FOXJ3: variants seen among roughly 807,000 people sequenced by gnomAD.
FOXJ3 encodes the protein forkhead box J3.
FOXJ3 carries 22 observed loss-of-function variants against 76.1 expected under a neutral mutation model. The observed-to-expected ratio is 0.29, with a 90% confidence interval of 0.21 to 0.41. The LOEUF is 0.41. Among genes scored for constraint, FOXJ3 ranks in the 10% least tolerant of loss-of-function variants. The pLI is 1.00. For missense variants in FOXJ3, 613 were observed against 762.1 expected (o/e 0.80, Z 2.30); for synonymous variants, 269 against 261.2 (o/e 1.03, Z -0.29).
At chr1:42,298,678 T>C (rs1653944264) in intron 2 of FOXJ3, among the ~76,000 whole-genome samples, 1 of 152,174 alleles carries the variant, frequency 6.6e-6, no homozygotes, top group Non-Finnish European at 1.5e-5. Context: ...TGATCTTTGC[T>C]CTTTTCTTCT....
At chr1:42,294,433 A>G (rs1001902890) in intron 2 of FOXJ3, among the ~76,000 whole-genome samples, 2 of 152,172 alleles carry the variant, frequency 1.3e-5, no homozygotes, top group Admixed American at 1.3e-4. Context: ...TTAGAAGTGA[A>G]ACAGTTTGGG....
At chr1:42,251,276 G>A (rs1650026590) in intron 4 of FOXJ3, among the ~76,000 whole-genome samples, 1 of 152,070 alleles carries the variant, frequency 6.6e-6, no homozygotes, top group South Asian at 2.1e-4. Context: ...AAATAATGGA[G>A]GCCAATGGAA....
At chr1:42,295,848 ATTTAT>A (rs1053182953) in intron 2 of FOXJ3, among the ~76,000 whole-genome samples, 1 of 151,992 alleles carries the variant, frequency 6.6e-6, no homozygotes, top group African/African-American at 2.4e-5. Context: ...GTATATAGTG[ATTTAT>A]TTTATTTTGG....
rs542481846 is a variant in FOXJ3, at chr1:42,193,399, CTT to C, written c.934+1489_934+1490del. Reference sequence around the variant, plus strand: ...GAACCCAGACTTCCTATCGATGTTCCTTTTTTTTTTTTTTTTAATAGTGTGAT... The same window carrying C: ...GAACCCAGACTTCCTATCGATGTTCCTTTTTTTTTTTTTTAATAGTGTGAT... On this transcript the variant is annotated intron_variant, in intron 8 of 12. Coordinates refer to ENST00000361346, the MANE Select transcript of FOXJ3 (RefSeq NM_014947.5). 1.4e-4 allele frequency among the ~76,000 whole-genome samples: 19 copies of C among 132,144 alleles called. 1 individual carries two copies. Among genetic ancestry groups the C allele is most frequent in the East Asian group, 6.5e-4 (3 of 4,632 alleles). The allele number at this position is 132,144 out of a possible 152,430, so 86.7% of individuals were successfully genotyped here. A position where few individuals can be genotyped will look rare whatever the true frequency, so the allele number is the denominator to read the frequency against.
intron 2 of FOXJ3, among the ~76,000 whole-genome samples, chr1:42,289,572 T>A (rs936554102): frequency 1.3e-5 from 2 of 152,148 alleles, no homozygotes; most frequent in African/African-American, 4.8e-5. Context: ...TTCAGTTCTA[T>A]GCTGTGGATT....
At chr1:42,315,696 C>A (rs1655066760) in intron 1 of FOXJ3, among the ~76,000 whole-genome samples, 1 of 152,194 alleles carries the variant, frequency 6.6e-6, no homozygotes, top group African/African-American at 2.4e-5. Context: ...GGAAATCTCA[C>A]AAAAGAAGGC....
intron 2 of FOXJ3, among the ~76,000 whole-genome samples, chr1:42,304,441 C>A (rs1429617863): frequency 6.6e-6 from 1 of 151,744 alleles, no homozygotes; most frequent in African/African-American, 2.4e-5. Context: ...CTCAGAATAC[C>A]CAAAGCTATC....
At chr1:42,217,708 G>A (rs149851868) in intron 5 of FOXJ3, among the ~76,000 whole-genome samples, 6 of 152,300 alleles carry the variant, frequency 3.9e-5, no homozygotes, top group African/African-American at 7.2e-5. Context: ...TTGCTAGGAT[G>A]TCAATTTTCT....
intron 3 of FOXJ3, among the ~76,000 whole-genome samples, chr1:42,275,101 C>A (rs1652162473): frequency 6.6e-6 from 1 of 152,160 alleles, no homozygotes; most frequent in South Asian, 2.1e-4. Flanking sequence ...AATGGAAGCA[C>A]TCTGTGCTAA....
chr1:42,203,444 C>G (rs1171898464), intron 6 of FOXJ3, among the ~76,000 whole-genome samples: 1 of 152,162 alleles, frequency 6.6e-6, no homozygotes, highest in African/African-American at 2.4e-5. Flanking sequence ...AGAATATTAG[C>G]ATACCACTCT....
chr1:42,306,426 C>T (rs1449225744), intron 2 of FOXJ3, among the ~76,000 whole-genome samples: 1 of 151,646 alleles, frequency 6.6e-6, no homozygotes, highest in Non-Finnish European at 1.5e-5. Flanking sequence ...CCTCAGCCTC[C>T]CGAGTAGCTG....
At chr1:42,281,442 G>C (rs1292338662) in intron 2 of FOXJ3, among the ~76,000 whole-genome samples, 2 of 152,058 alleles carry the variant, frequency 1.3e-5, no homozygotes, top group African/African-American at 4.8e-5. Flanking sequence ...GCTAAGTGAA[G>C]ATTTAAATAG....
At chr1:42,318,585 T>C (rs966132586) in intron 1 of FOXJ3, among the ~76,000 whole-genome samples, 2 of 152,156 alleles carry the variant, frequency 1.3e-5, no homozygotes, top group African/African-American at 4.8e-5. Flanking sequence ...CGTCAGGTGA[T>C]CCGCCCACCT....
At chr1:42,334,598 G>C (rs1395076116) in intron 1 of FOXJ3, among the ~76,000 whole-genome samples, 2 of 152,258 alleles carry the variant, frequency 1.3e-5, no homozygotes, top group African/African-American at 4.8e-5. Context: ...TCCAAGGCGT[G>C]AGGTACAGCC....
intron 6 of FOXJ3, among the ~76,000 whole-genome samples, chr1:42,199,626 A>C (rs71578151): frequency 0.3 from 45,350 of 151,562 alleles, 7,473 homozygotes; most frequent in African/African-American, 0.46. Context: ...AAGCACATAA[A>C]AAAAAAAAGA....
At chr1:42,194,782 GTGA>G (rs2124228287) in intron 8 of FOXJ3, 105 bp downstream of exon 8, 4 of 702,494 alleles carry the variant, frequency 5.7e-6, no homozygotes, top group Non-Finnish European at 9.3e-6. Context: ...GATTCTTATT[GTGA>G]TGATAATATT....
chr1:42,294,124 CT>C (rs1245085186), intron 2 of FOXJ3, among the ~76,000 whole-genome samples: 4 of 152,272 alleles, frequency 2.6e-5, no homozygotes, highest in African/African-American at 9.6e-5. Flanking sequence ...TAATACAAAG[CT>C]GGGAATCAAG....
Position 42,199,233 on chromosome 1 carries a change from A to T in FOXJ3, c.631-3T>A. ...TGATCAGTGTTATACAATGTTACCT[A>T]AAATGAAAAAAGAAAAATGACAATT... On this transcript the variant is annotated splice_region_variant and splice_polypyrimidine_tract_variant and intron_variant, in intron 6 of 12. Coordinates refer to ENST00000361346, the MANE Select transcript of FOXJ3 (RefSeq NM_014947.5). 1 of 1,608,982 alleles carries T rather than the reference A, an allele frequency of 6.2e-7. No homozygotes were observed. The highest frequency in any genetic ancestry group is 1.3e-5 in the African/African-American group (1 of 74,828).
intron 1 of FOXJ3, among the ~76,000 whole-genome samples, chr1:42,323,189 G>C (rs939086293): frequency 6.6e-6 from 1 of 152,064 alleles, no homozygotes; most frequent in African/African-American, 2.4e-5. Context: ...ATTTTCCAGA[G>C]GATTTCAAGA....
Sources: gnomAD v4.1 joint callset for allele counts (sites outside exome capture counted in the v4.1 genomes callset) on GRCh38, gnomAD v4.1.1 for gene constraint, MANE v1.5 for transcripts, NCBI Gene and HGNC (gene_info 2026-07-23, HGNC 2026-07-21) for gene names.